KDM3B: variants seen among roughly 807,000 people sequenced by gnomAD.
The protein encoded by KDM3B is lysine demethylase 3B, also known as lysine-specific demethylase 3B.
A neutral mutation model predicts 170.0 loss-of-function variants in KDM3B; 10 were observed. The ratio of observed to expected loss-of-function variants is 0.06; its 90% CI spans 0.04 to 0.10. The LOEUF is 0.10. KDM3B is among the 10% of genes least tolerant of loss of function. KDM3B has a pLI of 1.00. For missense variants in KDM3B, 1,394 were observed against 2,195.2 expected, an observed-to-expected ratio of 0.64 and a Z score of 7.29; for synonymous variants, 831 against 834.8, an observed-to-expected ratio of 1.00 and a Z score of 0.08.
At chr5:138,428,150 G>GT (rs1763440957) in intron 20 of KDM3B, 64 bp downstream of exon 20, 1 of 1,449,618 alleles carries the variant, frequency 6.9e-7, no homozygotes, top group Admixed American at 2.2e-5. Context: ...ACAGTTTTGT[G>GT]TTTTCATCCT....
intron 17 of KDM3B, 89 bp downstream of exon 17, chr5:138,425,671 T>C (rs1200957618): frequency 8.5e-7 from 1 of 1,177,058 alleles, no homozygotes; most frequent in African/African-American, 1.5e-5. Flanking sequence ...ATAAATTATA[T>C]TCTGGGGCAT....
At chr5:138,397,888 G>A (rs1190476763) in intron 9 of KDM3B, 1 of 221,502 alleles carries the variant, frequency 4.5e-6, no homozygotes, top group Non-Finnish European at 8.8e-6. Context: ...TGGAAAGTAG[G>A]TCTGTGTTTT....
intron 4 of KDM3B, among the ~76,000 whole-genome samples, chr5:138,379,083 C>T (rs938361151): frequency 1.3e-5 from 2 of 152,098 alleles, no homozygotes; most frequent in Non-Finnish European, 2.9e-5. Flanking sequence ...AGGCTGGAAA[C>T]TTCATAAATT....
At chr5:138,380,775 G>A (rs1751519427) in intron 5 of KDM3B, among the ~76,000 whole-genome samples, 1 of 151,546 alleles carries the variant, frequency 6.6e-6, no homozygotes, top group South Asian at 2.1e-4. Context: ...GTCTCACTGT[G>A]TTGCCCAGGC....
intron 11 of KDM3B, among the ~76,000 whole-genome samples, chr5:138,406,643 A>G (rs1231671216): frequency 6.6e-6 from 1 of 152,006 alleles, no homozygotes; most frequent in Non-Finnish European, 1.5e-5. Flanking sequence ...TGTCTCAATA[A>G]AAAAAAAGAA....
In KDM3B at chr5:138,419,136, G is replaced by C. The variant is rs369265686; in HGVS notation, c.3619G>C (p.Ala1207Pro). Residue 1207 changes from alanine (A) to proline (P), a missense_variant, in exon 14 of 24, where the codon GCC becomes CCC. This residue lies in a region of KDM3B where 87 missense variants were observed against 83.3 expected (regional missense o/e 1.04). Transcript: ENST00000314358. ...SASNSNSELK[A>P]IRPPCPDTAP... ...ATCAAATAGCAATAGTGAACTGAAA[G>C]CCATCAGGCCTCCTTGCCCTGACAC... The C allele has an allele frequency of 1.2e-4, 196 of 1,614,090 alleles. No individual in the cohort carries two copies. Among genetic ancestry groups the C allele is most frequent in the Non-Finnish European group, 1.6e-4 (185 of 1,180,056 alleles).
rs368913053 is a variant in KDM3B at position 138,374,363 on chromosome 5, A to G, written c.361-730A>G. ...CCACCCCGCCTCCCAGGTTCAAGCA[A>G]TTCTCCTGCCTCAGCCTCCCGAGTA... On this transcript the variant is annotated intron_variant, in intron 2 of 23. Coordinates refer to ENST00000314358, the MANE Select transcript of KDM3B (RefSeq NM_016604.4). 1.9e-4 allele frequency: 78 copies of G among 407,606 alleles called. No individual in the cohort carries two copies. The East Asian group carries it at 4.6e-3, about 24-fold the overall frequency. 25.2% of individuals were successfully genotyped at this position (407,606 alleles called of 1,614,324 possible). A position where few individuals can be genotyped will look rare whatever the true frequency, so the allele number is the denominator to read the frequency against.
At chr5:138,379,906 G>A (rs1457353964) in intron 5 of KDM3B, among the ~76,000 whole-genome samples, 198 bp downstream of exon 5, 1 of 152,170 alleles carries the variant, frequency 6.6e-6, no homozygotes, top group African/African-American at 2.4e-5. Context: ...AAGTAAATAT[G>A]TAAACCCCCA....
At chr5:138,416,090 G>A (rs1763096823) in intron 12 of KDM3B, among the ~76,000 whole-genome samples, 1 of 152,080 alleles carries the variant, frequency 6.6e-6, no homozygotes, top group South Asian at 2.1e-4. Context: ...AAATCCAGCT[G>A]AAGATAATAA....
intron 1 of KDM3B, among the ~76,000 whole-genome samples, chr5:138,372,197 T>C (rs1180382901): frequency 1.3e-5 from 2 of 152,240 alleles, no homozygotes; most frequent in South Asian, 2.1e-4. Context: ...ATTTTTGCCA[T>C]ATGCATACAT....
At chr5:138,433,551 G>A (rs1763594636) in intron 23 of KDM3B, among the ~76,000 whole-genome samples, 1 of 151,854 alleles carries the variant, frequency 6.6e-6, no homozygotes, top group Non-Finnish European at 1.5e-5. Flanking sequence ...GGGATTGCAG[G>A]CATGCACCAC....
intron 5 of KDM3B, among the ~76,000 whole-genome samples, chr5:138,381,151 G>C (rs1327155481): frequency 6.6e-6 from 1 of 152,202 alleles, no homozygotes; most frequent in African/African-American, 2.4e-5. Context: ...TGAGATTACA[G>C]ATGTGAACCA....
intron 16 of KDM3B, 67 bp from the exon 17 acceptor site, chr5:138,425,344 C>A: frequency 6.7e-7 from 1 of 1,484,882 alleles, no homozygotes; most frequent in Non-Finnish European, 9.2e-7. Flanking sequence ...CCCTCCTATT[C>A]TGTCTCAGCC....
At chr5:138,424,401 G>T in intron 16 of KDM3B, 60 bp downstream of exon 16, 1 of 1,543,652 alleles carries the variant, frequency 6.5e-7, no homozygotes. Context: ...CAGATACCTG[G>T]ACAATTCCAG....
chr5:138,429,412 G>A (rs1236247826), intron 20 of KDM3B, among the ~76,000 whole-genome samples: 1 of 152,168 alleles, frequency 6.6e-6, no homozygotes, highest in East Asian at 1.9e-4. Flanking sequence ...CATTGTAATA[G>A]ACAAGCATTA....
At chr5:138,424,508 C>G (rs1284233414) in intron 16 of KDM3B, among the ~76,000 whole-genome samples, 167 bp downstream of exon 16, 2 of 152,138 alleles carry the variant, frequency 1.3e-5, no homozygotes, top group African/African-American at 4.8e-5. Context: ...AAGGAGATGG[C>G]CAGGCACTAT....
At chr5:138,407,000 T>G (rs1185802915) in intron 11 of KDM3B, among the ~76,000 whole-genome samples, 1 of 150,988 alleles carries the variant, frequency 6.6e-6, no homozygotes, top group African/African-American at 2.4e-5. Flanking sequence ...TTTTTTTTTT[T>G]TTTGAGACAG....
chr5:138,399,761 A>G, intron 10 of KDM3B, 99 bp from the exon 11 acceptor site: 1 of 1,066,114 alleles, frequency 9.4e-7, no homozygotes, highest in Middle Eastern at 2.2e-4. Flanking sequence ...TTTGAGTTTT[A>G]TTGCTGAACA....
chr5:138,424,167 G>A lies in KDM3B; in HGVS notation c.4065G>A (p.Arg1355=). ...ENKKTSDASK[R]ACNLTDTQKE... ...AGAAAACCTCAGATGCTTCAAAGCG[G>A]GCCTGCAACTTGACTGATACCCAGA... The change falls in exon 16 of 24, where the codon CGG becomes CGA. Residue 1355 remains arginine, a synonymous_variant. Transcript: ENST00000314358. 6.2e-7 allele frequency: 1 copy of A among 1,613,984 alleles called. No individual in the cohort carries two copies.
Sources: gnomAD v4.1 joint callset for allele counts (sites outside exome capture counted in the v4.1 genomes callset) on GRCh38, gnomAD v4.1.1 for gene constraint, gnomAD v4.1.1 regional missense constraint, MANE v1.5 for transcripts, NCBI Gene and HGNC (gene_info 2026-07-23, HGNC 2026-07-21) for gene names.